Variants in EBF3 observed in about 807,000 individuals in gnomAD.
EBF3 encodes transcription factor COE3.
In EBF3, 18 loss-of-function variants were observed where a neutral mutation model predicts 77.1. That is an observed-to-expected ratio of 0.23 (90% CI 0.16 to 0.35). EBF3 has a LOEUF of 0.35. Ranked by LOEUF, EBF3 falls within the 10% of genes least tolerant of loss-of-function variation. The pLI is 1.00. For synonymous variants in EBF3, 350 were observed against 343.5 expected (o/e 1.02, Z -0.21); for missense variants, 558 against 860.0 (o/e 0.65, Z 4.39).
intron 7 of EBF3, among the ~76,000 whole-genome samples, chr10:129,877,353 C>T (rs147756628): frequency 3.4e-4 from 51 of 151,860 alleles, no homozygotes; most frequent in Non-Finnish European, 5.4e-4. Context: ...TGGTGGTGTG[C>T]GCCTGTAATC....
At chr10:129,925,114 G>A (rs951772207) in intron 6 of EBF3, among the ~76,000 whole-genome samples, 28 of 151,986 alleles carry the variant, frequency 1.8e-4, no homozygotes, top group African/African-American at 5.8e-4. Flanking sequence ...GCGTGTGTAC[G>A]GTTGGTGCAA....
chr10:129,925,027 C>T (rs1307009679), intron 6 of EBF3, among the ~76,000 whole-genome samples: 3 of 152,120 alleles, frequency 2.0e-5, no homozygotes, highest in Admixed American at 1.3e-4. Context: ...ATGTGGAAGC[C>T]ACCCAAGTAT....
At chr10:129,882,686 T>C (rs1853292079) in intron 6 of EBF3, among the ~76,000 whole-genome samples, 1 of 152,240 alleles carries the variant, frequency 6.6e-6, no homozygotes, top group Non-Finnish European at 1.5e-5. Context: ...ACATAAGGAA[T>C]GAATTTGGTT....
In EBF3 at chr10:129,885,064, G is replaced by A. The variant is rs144896653; in HGVS notation, c.555-7215C>T. On this transcript the variant is annotated intron_variant, in intron 6 of 16. Transcript: ENST00000440978. This position sits in a 1 kb window ranked among gnomAD's most constrained non-coding sequence, Gnocchi z 4.0. ...GCCTAGAGCCACACTAGGCCCCACCGTCCCTCCAAAGAGCCTTATCGCTAA... is the reference window on the plus strand; with the variant it reads ...GCCTAGAGCCACACTAGGCCCCACCATCCCTCCAAAGAGCCTTATCGCTAA... 2.7e-3 allele frequency among the ~76,000 whole-genome samples: 418 copies of A among 152,166 alleles called. 2 individuals are homozygous for A. The highest frequency in any genetic ancestry group is 6.8e-3 in the Middle Eastern group (2 of 294).
chr10:129,923,349 G>T (rs1385142667), intron 6 of EBF3, among the ~76,000 whole-genome samples: 2 of 152,170 alleles, frequency 1.3e-5, no homozygotes, highest in African/African-American at 2.4e-5. Flanking sequence ...ATCTTAAAAA[G>T]AAGAACAAAG....
Position 129,879,301 on chromosome 10 carries a change from T to TG in EBF3, c.555-1453dup, listed in dbSNP as rs1206294134. The stretch of plus-strand genomic sequence containing the variant: ...ACTCTCTGCACGTGGCCAAGCATCC[T>TG]GTCCAGCAAGGTCATCAACACAAAC... On this transcript the variant is annotated intron_variant, in intron 6 of 16. Transcript: ENST00000440978. This position sits in a 1 kb window ranked among gnomAD's most constrained non-coding sequence, Gnocchi z 4.7. Among the ~76,000 whole-genome samples, 1 of 152,212 alleles carries TG rather than the reference T, an allele frequency of 6.6e-6. No homozygotes were observed. Among genetic ancestry groups the TG allele is most frequent in the Non-Finnish European group, 1.5e-5 (1 of 68,044 alleles).
chr10:129,947,664 T>C lies in EBF3; in HGVS notation c.554+9594A>G, dbSNP rs200030489. ...GTTAAAATGTTTTCATTTCTTTCTTTGCAAAGGAACCAAATGCTTTGAAAA... is the reference window on the plus strand; with the variant it reads ...GTTAAAATGTTTTCATTTCTTTCTTCGCAAAGGAACCAAATGCTTTGAAAA... On this transcript the variant is annotated intron_variant, in intron 6 of 16. Coordinates refer to ENST00000440978, the MANE Select transcript of EBF3 (RefSeq NM_001375380.1). The surrounding 1 kb of genome is among the most constrained non-coding windows in gnomAD (Gnocchi z 4.5). 2.0e-4 allele frequency among the ~76,000 whole-genome samples: 31 copies of C among 151,352 alleles called. No individual in the cohort carries two copies. In the East Asian group the frequency reaches 5.8e-3, roughly 28 times the overall value.
Position 129,870,048 on chromosome 10 carries a change from G to A in EBF3, c.782-2136C>T, listed in dbSNP as rs1852302378. 6.6e-6 allele frequency among the ~76,000 whole-genome samples: 1 copy of A among 151,858 alleles called. No individual in the cohort carries two copies. The highest frequency in any genetic ancestry group is 1.5e-5 in the Non-Finnish European group (1 of 67,966). On this transcript the variant is annotated intron_variant, in intron 8 of 16. Coordinates refer to ENST00000440978, the MANE Select transcript of EBF3 (RefSeq NM_001375380.1). The surrounding 1 kb of genome is among the most constrained non-coding windows in gnomAD (Gnocchi z 4.4). ...CTTTGGAGGTGAGAAAAGAAAAAAA[G>A]AATCCAGGATCTACTGCATGCACAA...
rs1455442513 is a variant in EBF3, at chr10:129,842,097, T to A, written c.1372+19A>T. ...CGGAGGGCGTTCAGGGCAGGGGTCC[T>A]CCCAGCATGCTGGCATACCTTGGTC... On this transcript the variant is annotated intron_variant, in intron 13 of 16. Coordinates refer to ENST00000440978, the MANE Select transcript of EBF3 (RefSeq NM_001375380.1). This position sits in a 1 kb window ranked among gnomAD's most constrained non-coding sequence, Gnocchi z 4.4. 6.2e-7 allele frequency: 1 copy of A among 1,614,000 alleles called. No homozygotes were observed. The highest frequency in any genetic ancestry group is 8.5e-7 in the Non-Finnish European group (1 of 1,179,994).
chr10:129,903,366 CA>C (rs1854920471), intron 6 of EBF3, among the ~76,000 whole-genome samples: 1 of 152,198 alleles, frequency 6.6e-6, no homozygotes. Context: ...AGGAATGACC[CA>C]AAGTGTCTGC....
chr10:129,941,995 C>A (rs568119925), intron 6 of EBF3, among the ~76,000 whole-genome samples: 5 of 151,754 alleles, frequency 3.3e-5, no homozygotes, highest in African/African-American at 4.8e-5. Flanking sequence ...GGGAATGGAG[C>A]CCCCCCACCC....
chr10:129,877,181 T>C (rs1330307088), intron 7 of EBF3, among the ~76,000 whole-genome samples: 1 of 151,920 alleles, frequency 6.6e-6, no homozygotes, highest in Non-Finnish European at 1.5e-5. Flanking sequence ...AATCAATCCC[T>C]CAATCAATCC....
At chr10:129,843,417 C>T (rs1420238239) in intron 11 of EBF3, 2 of 504,270 alleles carry the variant, frequency 4.0e-6, no homozygotes, top group South Asian at 3.4e-5. Context: ...TGAATAAAAG[C>T]GTTTTCTGTG....
chr10:129,902,025 T>A (rs755775083), intron 6 of EBF3, among the ~76,000 whole-genome samples: 1 of 152,194 alleles, frequency 6.6e-6, no homozygotes, highest in African/African-American at 2.4e-5. Flanking sequence ...TGCTTCCTAT[T>A]AGCTGAGGTG....
At position 129,963,579 on chromosome 10, in the gene EBF3, GGGGCC is replaced by G. The variant is rs1414932567; in HGVS notation, c.134+51_134+55del. The G allele has an allele frequency of 2.6e-5, 32 of 1,233,274 alleles. No individual in the cohort carries two copies. The highest frequency in any genetic ancestry group is 3.0e-5 in the Non-Finnish European group (29 of 982,582). The allele number at this position is 1,233,274 out of a possible 1,614,324, so 76.4% of individuals were successfully genotyped here. On this transcript the variant is annotated intron_variant, in intron 1 of 16. Coordinates refer to ENST00000440978, the MANE Select transcript of EBF3 (RefSeq NM_001375380.1). The surrounding 1 kb of genome is among the most constrained non-coding windows in gnomAD (Gnocchi z 7.1). ...AGGAGCGCGGCGCCGGCCGGCGGAG[GGGGCC>G]GGGCCGGGCCGGGGCCGGGGCCAGG... is the stretch of plus-strand genomic sequence containing the variant.
chr10:129,908,079 A>C (rs984771024), intron 6 of EBF3, among the ~76,000 whole-genome samples: 6 of 152,352 alleles, frequency 3.9e-5, no homozygotes, highest in African/African-American at 1.4e-4. Flanking sequence ...CACTAAGAAA[A>C]GCATAAATAT....
intron 7 of EBF3, among the ~76,000 whole-genome samples, chr10:129,874,464 A>G (rs1323285041): frequency 3.9e-5 from 6 of 152,206 alleles, no homozygotes; most frequent in African/African-American, 1.2e-4. Context: ...CAGAAATGGC[A>G]TCCCTGAATG....
intron 3 of EBF3, among the ~76,000 whole-genome samples, 160 bp downstream of exon 3, chr10:129,962,782 C>G (rs780229124): frequency 6.6e-6 from 1 of 152,170 alleles, no homozygotes; most frequent in African/African-American, 2.4e-5. Context: ...GAAGTGCCAT[C>G]GACTTATTGA....
chr10:129,890,115 C>T (rs1404486318), intron 6 of EBF3, among the ~76,000 whole-genome samples: 2 of 152,058 alleles, frequency 1.3e-5, no homozygotes, highest in Non-Finnish European at 2.9e-5. Context: ...AGACAGCCAA[C>T]CAATCAGGGA....
Sources: allele counts gnomAD v4.1 joint callset (sites outside exome capture counted in the v4.1 genomes callset), GRCh38; gene constraint gnomAD v4.1.1; non-coding constraint Gnocchi (gnomAD v3.1); transcripts MANE v1.5; gene names NCBI Gene and HGNC (gene_info 2026-07-23, HGNC 2026-07-21).